The following DNAJC1 variants were observed in gnomAD, a reference collection of about 807,000 sequenced individuals.
The protein encoded by DNAJC1 is dnaJ homolog subfamily C member 1.
In DNAJC1, 58 loss-of-function variants were observed where a neutral mutation model predicts 76.6. The observed-to-expected ratio is 0.76, with a 90% confidence interval of 0.61 to 0.94. The LOEUF is 0.94. Among genes scored for constraint, DNAJC1 ranks in the 40% least tolerant of loss-of-function variants. DNAJC1 has a pLI of 0.00. For missense variants in DNAJC1, 689 were observed against 677.3 expected, an observed-to-expected ratio of 1.02 and a Z score of -0.19; for synonymous variants, 258 against 267.9, an observed-to-expected ratio of 0.96 and a Z score of 0.36.
chr10:21,940,013 C>A (rs1467995855), intron 1 of DNAJC1, among the ~76,000 whole-genome samples: 4 of 149,428 alleles, frequency 2.7e-5, no homozygotes, highest in Admixed American at 2.7e-4. Flanking sequence ...GCATTCACCA[C>A]TAGAAGGACT....
chr10:21,935,114 G>C (rs1417009906), intron 1 of DNAJC1, among the ~76,000 whole-genome samples: 1 of 151,880 alleles, frequency 6.6e-6, no homozygotes, highest in Non-Finnish European at 1.5e-5. Flanking sequence ...AGGAAAGTAT[G>C]GTCTTCAGAG....
chr10:21,954,690 G>A (rs1837651614), intron 1 of DNAJC1, among the ~76,000 whole-genome samples: 1 of 152,088 alleles, frequency 6.6e-6, no homozygotes, highest in Admixed American at 6.5e-5. Context: ...AGTTTTTACT[G>A]AGAAACAATA....
intron 9 of DNAJC1, among the ~76,000 whole-genome samples, chr10:21,784,087 A>G (rs1834571343): frequency 6.6e-6 from 1 of 152,244 alleles, no homozygotes; most frequent in South Asian, 2.1e-4. Flanking sequence ...CTGCACAGCA[A>G]AAGAAACTAC....
chr10:21,811,250 C>A (rs1170296866), intron 8 of DNAJC1, among the ~76,000 whole-genome samples: 1 of 152,232 alleles, frequency 6.6e-6, no homozygotes, highest in Non-Finnish European at 1.5e-5. Context: ...ATCCATGACA[C>A]TGTCAAGAAA....
intron 8 of DNAJC1, among the ~76,000 whole-genome samples, chr10:21,866,131 A>G (rs1188408231): frequency 7.0e-6 from 1 of 141,952 alleles, no homozygotes; most frequent in Admixed American, 7.0e-5. Flanking sequence ...TGAGACTTCA[A>G]CTCAAAAAAA....
At position 21,816,229 on chromosome 10, in the gene DNAJC1, G is replaced by A. The variant is rs987717806; in HGVS notation, c.979-10130C>T. 1.2e-4 allele frequency among the ~76,000 whole-genome samples: 18 copies of A among 151,632 alleles called. No homozygotes were observed. The East Asian group carries it at 1.2e-3, about 10-fold the overall frequency. On this transcript the variant is annotated intron_variant, in intron 8 of 11. Coordinates refer to ENST00000376980, the MANE Select transcript of DNAJC1 (RefSeq NM_022365.4). ...CTAAAAACACAAAAATTAGGCAGAC[G>A]TGAGCCTGTAATCCCAGCTACTTGG... is the stretch of plus-strand genomic sequence containing the variant.
chr10:21,771,405 G>C (rs867024351), intron 9 of DNAJC1, among the ~76,000 whole-genome samples: 1 of 152,102 alleles, frequency 6.6e-6, no homozygotes. Context: ...TGGTGTTGTG[G>C]GTTTTTAGTA....
intron 1 of DNAJC1, among the ~76,000 whole-genome samples, chr10:21,963,670 T>C (rs1426489751): frequency 6.6e-6 from 1 of 152,212 alleles, no homozygotes; most frequent in Non-Finnish European, 1.5e-5. Context: ...TTCTGATCTT[T>C]TTGCGTCTTT....
At chr10:21,850,931 T>C (rs565943629) in intron 8 of DNAJC1, among the ~76,000 whole-genome samples, 2 of 152,168 alleles carry the variant, frequency 1.3e-5, no homozygotes, top group South Asian at 4.1e-4. Context: ...ATAGAAACAG[T>C]CTCTTCAACA....
chr10:21,954,157 ATACT>A (rs1389121667), intron 1 of DNAJC1, among the ~76,000 whole-genome samples: 1 of 152,182 alleles, frequency 6.6e-6, no homozygotes, highest in Non-Finnish European at 1.5e-5. Flanking sequence ...AGAAACACAA[ATACT>A]TACTCGGGAT....
At position 21,811,871 on chromosome 10, in the gene DNAJC1, T is replaced by A. The variant is rs896291790; in HGVS notation, c.979-5772A>T. 2.6e-5 allele frequency among the ~76,000 whole-genome samples: 4 copies of A among 152,188 alleles called. No individual in the cohort carries two copies. In the East Asian group the frequency reaches 7.7e-4, roughly 29 times the overall value. ...TTGGGAAAACGTACGTCTAACTTCGTAAGAAACTACAGGAGTATTTTTCCA... is the reference window on the plus strand; with the variant it reads ...TTGGGAAAACGTACGTCTAACTTCGAAAGAAACTACAGGAGTATTTTTCCA... On this transcript the variant is annotated intron_variant, in intron 8 of 11. Coordinates refer to ENST00000376980, the MANE Select transcript of DNAJC1 (RefSeq NM_022365.4).
intron 1 of DNAJC1, among the ~76,000 whole-genome samples, chr10:21,987,783 C>T (rs1815302501): frequency 6.6e-6 from 1 of 152,074 alleles, no homozygotes; most frequent in Non-Finnish European, 1.5e-5. Flanking sequence ...ATAATCTACA[C>T]GGATATATGT....
intron 8 of DNAJC1, among the ~76,000 whole-genome samples, chr10:21,833,607 G>T (rs1002168703): frequency 6.6e-6 from 1 of 152,178 alleles, no homozygotes; most frequent in African/African-American, 2.4e-5. Flanking sequence ...TTTCTCCTGT[G>T]TAAAATGAAG....
chr10:21,818,862 G>A lies in DNAJC1; in HGVS notation c.979-12763C>T, dbSNP rs961919370. Reference sequence around the variant, plus strand: ...AGTCATTATTTACTTATTTTCTGCTGTTTTTTAAATACTGAAAGGTAGAAA... The same window carrying A: ...AGTCATTATTTACTTATTTTCTGCTATTTTTTAAATACTGAAAGGTAGAAA... On this transcript the variant is annotated intron_variant, in intron 8 of 11. Coordinates refer to ENST00000376980, the MANE Select transcript of DNAJC1 (RefSeq NM_022365.4). 9.2e-5 allele frequency among the ~76,000 whole-genome samples: 14 copies of A among 152,218 alleles called. No individual in the cohort carries two copies. The East Asian group carries it at 2.5e-3, about 27-fold the overall frequency.
intron 10 of DNAJC1, among the ~76,000 whole-genome samples, chr10:21,763,665 A>G (rs1322303706): frequency 6.6e-6 from 1 of 152,056 alleles, no homozygotes; most frequent in Non-Finnish European, 1.5e-5. Context: ...AAAACTTTTA[A>G]AAGTACTTTG....
intron 6 of DNAJC1, among the ~76,000 whole-genome samples, chr10:21,914,120 C>A (rs1270434905): frequency 6.6e-6 from 1 of 152,104 alleles, no homozygotes; most frequent in African/African-American, 2.4e-5. Flanking sequence ...TTACATGGGG[C>A]GTACATTTGA....
chr10:21,917,503 C>A (rs1055132883), intron 6 of DNAJC1, among the ~76,000 whole-genome samples: 2 of 151,818 alleles, frequency 1.3e-5, no homozygotes, highest in African/African-American at 4.8e-5. Flanking sequence ...CTAAAGTTGG[C>A]AAAAAATAAT....
chr10:21,879,207 G>A (rs1303496991), intron 8 of DNAJC1, among the ~76,000 whole-genome samples: 1 of 152,152 alleles, frequency 6.6e-6, no homozygotes, highest in Non-Finnish European at 1.5e-5. Context: ...ATAGTTCACT[G>A]AGCTGCATAT....
At chr10:21,879,210 C>T (rs932942645) in intron 8 of DNAJC1, among the ~76,000 whole-genome samples, 1 of 152,186 alleles carries the variant, frequency 6.6e-6, no homozygotes, top group African/African-American at 2.4e-5. Flanking sequence ...GTTCACTGAG[C>T]TGCATATCTA....
Sources: allele counts gnomAD v4.1 joint callset (sites outside exome capture counted in the v4.1 genomes callset), GRCh38; gene constraint gnomAD v4.1.1; transcripts MANE v1.5; gene names NCBI Gene and HGNC (gene_info 2026-07-23, HGNC 2026-07-21).